Variants in SLC9A9 observed in about 807,000 individuals in gnomAD.
SLC9A9 encodes sodium/hydrogen exchanger 9.
SLC9A9 carries 62 observed loss-of-function variants against 77.8 expected under a neutral mutation model. The ratio of observed to expected loss-of-function variants is 0.80; its 90% CI spans 0.65 to 0.98. The LOEUF is 0.98. SLC9A9 is among the 50% of genes least tolerant of loss of function. SLC9A9 has a pLI of 0.00. For synonymous variants in SLC9A9, 320 were observed against 283.5 expected, an observed-to-expected ratio of 1.13 and a Z score of -1.29; for missense variants, 775 against 774.9, an observed-to-expected ratio of 1.00 and a Z score of 0.00.
intron 5 of SLC9A9, among the ~76,000 whole-genome samples, chr3:143,669,780 G>A (rs1467520781): frequency 6.6e-6 from 1 of 152,176 alleles, no homozygotes; most frequent in Non-Finnish European, 1.5e-5. Context: ...ACCTCATTAA[G>A]CTTCAAGTAA....
chr3:143,362,574 C>T (rs973662916), intron 14 of SLC9A9, among the ~76,000 whole-genome samples: 17 of 151,998 alleles, frequency 1.1e-4, no homozygotes, highest in African/African-American at 3.9e-4. Context: ...TTTCCTTTCC[C>T]TATTCTTAAT....
intron 5 of SLC9A9, among the ~76,000 whole-genome samples, chr3:143,671,036 G>A (rs898810898): frequency 1.3e-5 from 2 of 152,100 alleles, no homozygotes; most frequent in African/African-American, 2.4e-5. Flanking sequence ...TGCCACTTAC[G>A]AGCCTTGTAA....
At chr3:143,789,956 G>T (rs549237044) in intron 4 of SLC9A9, among the ~76,000 whole-genome samples, 4 of 152,178 alleles carry the variant, frequency 2.6e-5, no homozygotes, top group Non-Finnish European at 5.9e-5. Flanking sequence ...TAGCTGATAT[G>T]GTTTGGCTGT....
Position 143,664,482 on chromosome 3 carries a change from T to C in SLC9A9, c.650-12122A>G, listed in dbSNP as rs1576643730. Among the ~76,000 whole-genome samples, 12 of 152,268 alleles carry C rather than the reference T, an allele frequency of 7.9e-5. No individual in the cohort carries two copies. In the South Asian group the frequency reaches 2.3e-3, roughly 29 times the overall value. On this transcript the variant is annotated intron_variant, in intron 5 of 15. Transcript: ENST00000316549. ...AGGACCAAATTCACACATAACAATATTAACCTGAAATGTAAATGGGCTAAA... is the reference window on the plus strand; with the variant it reads ...AGGACCAAATTCACACATAACAATACTAACCTGAAATGTAAATGGGCTAAA...
At chr3:143,294,275 A>G (rs2030151592) in intron 14 of SLC9A9, among the ~76,000 whole-genome samples, 1 of 152,222 alleles carries the variant, frequency 6.6e-6, no homozygotes, top group Non-Finnish European at 1.5e-5. Flanking sequence ...TGTTTACAGC[A>G]CGAAAGCACA....
At chr3:143,845,601 T>C (rs1448796640) in intron 1 of SLC9A9, among the ~76,000 whole-genome samples, 3 of 152,148 alleles carry the variant, frequency 2.0e-5, no homozygotes, top group East Asian at 3.9e-4. Flanking sequence ...TGAGTGGCTA[T>C]TCAGTTTTGG....
intron 4 of SLC9A9, among the ~76,000 whole-genome samples, chr3:143,700,388 G>A (rs1333314933): frequency 6.6e-6 from 1 of 152,178 alleles, no homozygotes. Flanking sequence ...AGACTCTTGG[G>A]CTCTTGGACA....
At chr3:143,379,355 G>C (rs1006837712) in intron 13 of SLC9A9, among the ~76,000 whole-genome samples, 1 of 152,108 alleles carries the variant, frequency 6.6e-6, no homozygotes, top group Admixed American at 6.6e-5. Context: ...ACCAAAAAAC[G>C]GTCCAGGTTC....
intron 9 of SLC9A9, among the ~76,000 whole-genome samples, chr3:143,515,504 G>T (rs1326472035): frequency 2.0e-5 from 3 of 152,028 alleles, no homozygotes; most frequent in South Asian, 4.2e-4. Context: ...ACTTCTGAAG[G>T]CTCACCAGCA....
intron 12 of SLC9A9, among the ~76,000 whole-genome samples, chr3:143,423,781 AC>A (rs1238267683): frequency 1.3e-5 from 2 of 152,242 alleles, no homozygotes; most frequent in Admixed American, 6.5e-5. Flanking sequence ...CCTGGTTGAC[AC>A]CATCTTAATT....
intron 1 of SLC9A9, among the ~76,000 whole-genome samples, chr3:143,843,752 A>G (rs2009763705): frequency 6.6e-6 from 1 of 152,216 alleles, no homozygotes; most frequent in Non-Finnish European, 1.5e-5. Context: ...GCTGTCAGGG[A>G]GCAAGGAGCA....
chr3:143,822,044 A>C (rs968307786), intron 2 of SLC9A9, among the ~76,000 whole-genome samples: 2 of 152,192 alleles, frequency 1.3e-5, no homozygotes, highest in Admixed American at 1.3e-4. Context: ...AACGTCATGC[A>C]CTTTCCAGAG....
At chr3:143,517,205 G>A in intron 9 of SLC9A9, 1 of 1,351,328 alleles carries the variant, frequency 7.4e-7, no homozygotes, top group Non-Finnish European at 1.0e-6. Flanking sequence ...CATACTTGCT[G>A]GGTTCTGAGC....
chr3:143,395,533 C>T (rs1329818501), intron 12 of SLC9A9, among the ~76,000 whole-genome samples: 3 of 152,190 alleles, frequency 2.0e-5, no homozygotes, highest in African/African-American at 7.2e-5. Flanking sequence ...AGAACACAGG[C>T]ATGGGCAAGG....
intron 4 of SLC9A9, among the ~76,000 whole-genome samples, chr3:143,751,166 C>T (rs1423777767): frequency 6.6e-6 from 1 of 152,158 alleles, no homozygotes; most frequent in Admixed American, 6.5e-5. Context: ...GTCAAGAGTG[C>T]AGCTCTTGCT....
intron 12 of SLC9A9, among the ~76,000 whole-genome samples, chr3:143,442,920 G>A (rs2034772478): frequency 6.6e-6 from 1 of 152,178 alleles, no homozygotes; most frequent in Non-Finnish European, 1.5e-5. Flanking sequence ...AGGGATGAAT[G>A]ACAAAGATTT....
intron 4 of SLC9A9, among the ~76,000 whole-genome samples, chr3:143,705,692 T>A (rs1933950433): frequency 6.6e-6 from 1 of 152,240 alleles, no homozygotes; most frequent in Non-Finnish European, 1.5e-5. Flanking sequence ...ATATTGTGGT[T>A]AAGTGCTATG....
At chr3:143,428,283 G>GACATTCTGAATAT (rs1425306755) in intron 12 of SLC9A9, among the ~76,000 whole-genome samples, 1 of 152,104 alleles carries the variant, frequency 6.6e-6, no homozygotes, top group Non-Finnish European at 1.5e-5. Context: ...ATTCTGAATA[G>GACATTCTGAATAT]ACATTTTTCA....
At position 143,452,295 on chromosome 3, in the gene SLC9A9, T is replaced by C. The variant is rs560814722; in HGVS notation, c.1469+14742A>G. On this transcript the variant is annotated intron_variant, in intron 12 of 15. Transcript: ENST00000316549. ...TCATGTGCCCATTAGCACACAACAGTATCGATGAATATTCTTGCCAAAAAT... is the reference window on the plus strand; with the variant it reads ...TCATGTGCCCATTAGCACACAACAGCATCGATGAATATTCTTGCCAAAAAT... Among the ~76,000 whole-genome samples the C allele has an allele frequency of 3.9e-5, 6 of 152,148 alleles. No homozygotes were observed. The Middle Eastern group carries it at 0.014, about 345-fold the overall frequency.
Sources: gnomAD v4.1 joint callset for allele counts (sites outside exome capture counted in the v4.1 genomes callset) on GRCh38, gnomAD v4.1.1 for gene constraint, MANE v1.5 for transcripts, NCBI Gene and HGNC (gene_info 2026-07-23, HGNC 2026-07-21) for gene names.